Variants in PEX6 observed in about 807,000 individuals in gnomAD.
The protein encoded by PEX6 is peroxisome biogenesis factor 6.
In PEX6, 55 loss-of-function variants were observed where a neutral mutation model predicts 85.6. The observed-to-expected ratio is 0.64, with a 90% CI of 0.52 to 0.80. The LOEUF (loss-of-function observed/expected upper bound fraction) is 0.80. PEX6 is among the 30% of genes least tolerant of loss of function. The probability of loss-of-function intolerance (pLI) is 0.00; values close to 1 mark genes in which losing one functional copy is unlikely to be tolerated. For missense variants in PEX6, 1,099 were observed against 1,260.3 expected (o/e 0.87, Z 1.94); for synonymous variants, 519 against 549.1 (o/e 0.95, Z 0.77).
At chr6:42,968,010 G>A (rs1279791718) in intron 7 of PEX6, among the ~76,000 whole-genome samples, 3 of 147,704 alleles carry the variant, frequency 2.0e-5, no homozygotes, top group Non-Finnish European at 4.5e-5. Flanking sequence ...GCAATGGTAT[G>A]ATTTTGGCTC....
intron 8 of PEX6, 130 bp from the exon 9 acceptor site, chr6:42,966,988 TTGA>T: frequency 1.5e-6 from 1 of 645,356 alleles, no homozygotes; most frequent in South Asian, 1.7e-5. Flanking sequence ...TTTTTTTTTT[TTGA>T]GACGGAGTTT....
In PEX6 at chr6:42,978,322, A is replaced by T. The variant is rs1198487899; in HGVS notation, c.829T>A (p.Leu277Met). The change falls in exon 1 of 17, where the codon TTG becomes ATG. Residue 277 changes from leucine (L) to methionine (M), a missense_variant. Physicochemically the swap from Leu to Met is conservative, Grantham distance 15. Transcript: ENST00000304611. ...ADGLALVPAT[L>M]AFNLGCDPLE... is the part of the protein sequence containing the mutation. The stretch of plus-strand genomic sequence containing the variant: ...GGGTCACAGCCAAGATTAAAAGCCA[A>T]AGTGGCAGGGACAAGCGCCAGTCCG... 27 of 1,614,174 alleles carry T rather than the reference A, an allele frequency of 1.7e-5. No individual in the cohort carries two copies. The highest frequency in any genetic ancestry group is 2.2e-5 in the Non-Finnish European group (26 of 1,180,030).
Position 42,969,661 on chromosome 6 carries a change from C to A in PEX6, c.1367+7G>T. ...TTCTCACACCCTGGGGTGATGACCT[C>A]ACTCACCCTGGCTGGAGGCGAGGCT... On this transcript the variant is annotated splice_region_variant and intron_variant, in intron 5 of 16. Transcript: ENST00000304611. The A allele has an allele frequency of 6.2e-7, 1 of 1,612,454 alleles. No individual in the cohort carries two copies. The highest frequency in any genetic ancestry group is 1.1e-5 in the South Asian group (1 of 91,002).
At chr6:42,970,418 T>G (rs1770023025) in intron 3 of PEX6, among the ~76,000 whole-genome samples, 1 of 152,242 alleles carries the variant, frequency 6.6e-6, no homozygotes, top group African/African-American at 2.4e-5. Context: ...AAAATCTCAT[T>G]GCAGGCGGAG....
chr6:42,967,702 A>G, intron 7 of PEX6, 139 bp from the exon 8 acceptor site: 1 of 696,448 alleles, frequency 1.4e-6, no homozygotes, highest in Non-Finnish European at 2.5e-6. Context: ...CATCTACCCC[A>G]GTTCCTAGAT....
intron 3 of PEX6, among the ~76,000 whole-genome samples, chr6:42,972,106 AAC>A (rs35405237): frequency 0.86 from 130,626 of 152,076 alleles, 56,682 homozygotes; most frequent in East Asian, 1. Context: ...ACCAGGGATG[AAC>A]ATCAGGCACT....
chr6:42,965,533 A>G lies in PEX6; in HGVS notation c.2471+148T>C. On this transcript the variant is annotated intron_variant, in intron 13 of 16. Coordinates refer to ENST00000304611, the MANE Select transcript of PEX6 (RefSeq NM_000287.4). This position sits in a 1 kb window ranked among gnomAD's most constrained non-coding sequence, Gnocchi z 5.0. ...CATTCTCCTCAGTGGACCCTGCCCA[A>G]TTTCATGGCCCCTTTCAGCTTCCAT... 1 of 888,406 alleles carries G rather than the reference A, an allele frequency of 1.1e-6. No homozygotes were observed. Among genetic ancestry groups the G allele is most frequent in the East Asian group, 2.4e-5 (1 of 41,580 alleles). 55.0% of individuals were successfully genotyped at this position (888,406 alleles called of 1,614,324 possible). A position where few individuals can be genotyped will look rare whatever the true frequency, so the allele number is the denominator to read the frequency against.
In PEX6 at chr6:42,967,543, A is replaced by G. The variant is rs1005310416; in HGVS notation, c.1709T>C (p.Val570Ala). 1.2e-6 allele frequency: 2 copies of G among 1,604,016 alleles called. No homozygotes were observed. Among genetic ancestry groups the G allele is most frequent in the Non-Finnish European group, 1.7e-6 (2 of 1,176,168 alleles). Residue 570 changes from valine to alanine, a missense_variant, in exon 8 of 17, where the codon GTG (valine) becomes GCG (alanine). By Grantham distance (64) the Val-to-Ala change is moderately conservative. Transcript: ENST00000304611. ...PLNSCPPLMV[V>A]ATTSRAQDLP... ...GTCCTGGGCCCGGCTTGTGGTGGCC[A>G]CAACCATGAGGGGAGGGCAGCTGCA... is the stretch of plus-strand genomic sequence containing the variant.
rs750832873 is a variant in PEX6, at chr6:42,974,951, CG to C, written c.969del (p.Ile323MetfsTer28). The C allele has an allele frequency of 6.2e-7, 1 of 1,613,660 alleles. No individual in the cohort carries two copies. The highest frequency in any genetic ancestry group is 8.5e-7 in the Non-Finnish European group (1 of 1,179,648). ...PGPPFARELH[I>X]EIVSSPHYST... ...CTGTAGTGGGGAGAAGACACAATTT[CG>C]ATGTGTAACTCTCTGGCAAATGGAG... On this transcript the variant is annotated frameshift_variant, in exon 2 of 17. Coordinates refer to ENST00000304611, the MANE Select transcript of PEX6 (RefSeq NM_000287.4). LOFTEE classifies it high-confidence loss of function.
At chr6:42,970,605 G>A (rs1031100054) in intron 3 of PEX6, among the ~76,000 whole-genome samples, 9 of 152,200 alleles carry the variant, frequency 5.9e-5, no homozygotes, top group African/African-American at 2.2e-4. Flanking sequence ...TGGGTGCAGA[G>A]TTTCTTTTTG....
At chr6:42,976,569 G>A (rs573403842) in intron 1 of PEX6, among the ~76,000 whole-genome samples, 64 of 152,016 alleles carry the variant, frequency 4.2e-4, no homozygotes, top group African/African-American at 1.5e-3. Context: ...CACCATGTAG[G>A]CCAGGCTGGT....
In PEX6 at chr6:42,979,012, G is replaced by C; in HGVS notation, c.139C>G (p.Pro47Ala). The change falls in exon 1 of 17, where the codon CCG (proline) becomes GCG (alanine). Residue 47 changes from proline (P) to alanine (A), a missense_variant. Transcript: ENST00000304611. The part of the protein sequence containing the change: ...VLALRPAGES[P>A]AGPALLVAAL... ...GCCACCAGCAGCGCCGGCCCTGCCG[G>C]GCTCTCCCCTGCAGGCCTCAGGGCC... 6.6e-7 allele frequency: 1 copy of C among 1,519,240 alleles called. No homozygotes were observed. Among genetic ancestry groups the C allele is most frequent in the Non-Finnish European group, 8.8e-7 (1 of 1,140,514 alleles). 94.1% of individuals were successfully genotyped at this position (1,519,240 alleles called of 1,614,324 possible).
intron 5 of PEX6, 108 bp downstream of exon 5, chr6:42,969,560 C>G (rs973389893): frequency 7.1e-7 from 1 of 1,416,550 alleles, no homozygotes; most frequent in African/African-American, 1.4e-5. Context: ...GAAGGTCCTC[C>G]CAATCCCACT....
chr6:42,967,644 G>C (rs536878477), intron 7 of PEX6, 81 bp from the exon 8 acceptor site: 2 of 1,286,462 alleles, frequency 1.6e-6, no homozygotes, highest in East Asian at 5.0e-5. Context: ...AGTCGGCACA[G>C]AAGGGCAGGG....
At chr6:42,977,712 T>C (rs911235551) in intron 1 of PEX6, among the ~76,000 whole-genome samples, 3 of 113,368 alleles carry the variant, frequency 2.6e-5, no homozygotes, top group Non-Finnish European at 4.9e-5. Flanking sequence ...GAGGTTGCAG[T>C]AAGCCGAGAT....
chr6:42,968,365 C>A lies in PEX6; in HGVS notation c.1613G>T (p.Arg538Leu). The A allele has an allele frequency of 6.2e-7, 1 of 1,614,160 alleles. No individual in the cohort carries two copies. Among genetic ancestry groups the A allele is most frequent in the Non-Finnish European group, 8.5e-7 (1 of 1,180,032 alleles). Reference protein sequence around the residue: ...LTAVDLLGRDRDGLGEDARVM... With the variant: ...LTAVDLLGRDLDGLGEDARVM... ...ACGGGCATCCTCACCCAGCCCATCA[C>A]GGTCCCGGCCCAGAAGGTCCACAGC... is the stretch of plus-strand genomic sequence containing the variant. The change falls in exon 7 of 17, where the codon CGT becomes CTT. Residue 538 changes from arginine to leucine, a missense_variant. Physicochemically the swap from Arg to Leu is moderately radical, Grantham distance 102. Transcript: ENST00000304611.
rs1769881160 is a variant in PEX6 at position 42,967,532 on chromosome 6, T to C, written c.1720A>G (p.Ser574Gly). The part of the protein sequence containing the change: ...CPPLMVVATT[S>G]RAQDLPADVQ... ...TCAGCAGGCAGGTCCTGGGCCCGGC[T>C]TGTGGTGGCCACAACCATGAGGGGA... Residue 574 changes from serine (S) to glycine (G), a missense_variant, in exon 8 of 17, where the codon AGC (serine) becomes GGC (glycine). Physicochemically the swap from Ser to Gly is moderately conservative, Grantham distance 56. Coordinates refer to ENST00000304611, the MANE Select transcript of PEX6 (RefSeq NM_000287.4). 1 of 1,605,828 alleles carries C rather than the reference T, an allele frequency of 6.2e-7. No homozygotes were observed. The highest frequency in any genetic ancestry group is 8.5e-7 in the Non-Finnish European group (1 of 1,176,832).
chr6:42,976,955 TA>T (rs900907941), intron 1 of PEX6, among the ~76,000 whole-genome samples: 1 of 152,106 alleles, frequency 6.6e-6, no homozygotes, highest in Admixed American at 6.6e-5. Context: ...TAGAATAAAA[TA>T]AATGCCATAA....
rs373037631 is a variant in PEX6, at chr6:42,964,516, G to C, written c.2807-45C>G. ...GAGGCTGTGGTCTATGCCCAGGCAGGGGAGAGCCCTGCGAAGGTGGCTTCC... is the reference window on the plus strand; with the variant it reads ...GAGGCTGTGGTCTATGCCCAGGCAGCGGAGAGCCCTGCGAAGGTGGCTTCC... On this transcript the variant is annotated intron_variant, in intron 16 of 16. Transcript: ENST00000304611. The surrounding 1 kb of genome is among the most constrained non-coding windows in gnomAD (Gnocchi z 4.6). The C allele has an allele frequency of 1.2e-6, 2 of 1,610,594 alleles. No homozygotes were observed. The highest frequency in any genetic ancestry group is 2.7e-5 in the African/African-American group (2 of 74,866).
Sources: allele counts gnomAD v4.1 joint callset (sites outside exome capture counted in the v4.1 genomes callset), GRCh38; gene constraint gnomAD v4.1.1; non-coding constraint Gnocchi (gnomAD v3.1); transcripts MANE v1.5; gene names NCBI Gene and HGNC (gene_info 2026-07-23, HGNC 2026-07-21).